DUSP16: variants seen among roughly 807,000 people sequenced by gnomAD.
DUSP16 encodes dual specificity protein phosphatase 16.
Under a neutral mutation model 58.3 loss-of-function variants are expected in DUSP16, and 21 were observed. That is an observed-to-expected ratio of 0.36 (90% CI 0.26 to 0.52). DUSP16 has a LOEUF of 0.52. Among genes scored for constraint, DUSP16 ranks in the 20% least tolerant of loss-of-function variants. The pLI, the probability that DUSP16 is intolerant of heterozygous loss-of-function variation, is 0.94. For missense variants in DUSP16, 726 were observed against 819.0 expected (o/e 0.89, Z 1.39); for synonymous variants, 320 against 323.8 (o/e 0.99, Z 0.12).
chr12:12,539,937 T>C (rs1944526668), intron 1 of DUSP16, among the ~76,000 whole-genome samples: 1 of 151,686 alleles, frequency 6.6e-6, no homozygotes, highest in Admixed American at 6.6e-5. Flanking sequence ...TCCCAGCTAC[T>C]CGGGAGGCTG....
At chr12:12,511,026 T>C (rs763397754) in intron 3 of DUSP16, among the ~76,000 whole-genome samples, 2 of 152,202 alleles carry the variant, frequency 1.3e-5, no homozygotes, top group Non-Finnish European at 2.9e-5. Flanking sequence ...GTTAAAAATT[T>C]TGTAACTTAT....
intron 5 of DUSP16, among the ~76,000 whole-genome samples, 178 bp downstream of exon 5, chr12:12,486,850 G>T (rs1943692138): frequency 6.6e-6 from 1 of 152,232 alleles, no homozygotes; most frequent in South Asian, 2.1e-4. Context: ...TAGGGACAGT[G>T]TGACACACAC....
chr12:12,480,906 T>C (rs868265617), intron 5 of DUSP16, among the ~76,000 whole-genome samples: 1 of 151,860 alleles, frequency 6.6e-6, no homozygotes, highest in Non-Finnish European at 1.5e-5. Context: ...TTTAGTGGAG[T>C]TGCGGTTTCA....
At chr12:12,483,594 ATCACCTC>A (rs1445147365) in intron 5 of DUSP16, among the ~76,000 whole-genome samples, 2 of 152,050 alleles carry the variant, frequency 1.3e-5, no homozygotes, top group African/African-American at 4.8e-5. Flanking sequence ...CATGGTCCTA[ATCACCTC>A]CCTATGTTGT....
intron 1 of DUSP16, among the ~76,000 whole-genome samples, chr12:12,547,531 T>TATA: frequency 1.5e-5 from 1 of 66,656 alleles, no homozygotes; most frequent in South Asian, 5.5e-4. Context: ...TGAGTAGGCT[T>TATA]AAAAAAAAAA....
At chr12:12,515,140 C>T (rs1432106605) in intron 3 of DUSP16, among the ~76,000 whole-genome samples, 1 of 151,926 alleles carries the variant, frequency 6.6e-6, no homozygotes, top group East Asian at 1.9e-4. Flanking sequence ...ATTTAATATA[C>T]TTAATTATAT....
At position 12,500,699 on chromosome 12, in the gene DUSP16, T is replaced by G. The variant is rs1175661947; in HGVS notation, c.368-17A>C. 1 of 1,521,522 alleles carries G rather than the reference T, an allele frequency of 6.6e-7. No individual in the cohort carries two copies. The highest frequency in any genetic ancestry group is 8.8e-7 in the Non-Finnish European group (1 of 1,140,228). The allele number at this position is 1,521,522 out of a possible 1,614,324, so 94.3% of individuals were successfully genotyped here. On this transcript the variant is annotated splice_polypyrimidine_tract_variant and intron_variant, in intron 3 of 6. Coordinates refer to ENST00000298573, the MANE Select transcript of DUSP16 (RefSeq NM_030640.3). ...CAAACCCACCTAAGAATAAACATTA[T>G]AAAATTATAAAAAATTATGCCACGC... is the stretch of plus-strand genomic sequence containing the variant.
chr12:12,508,056 C>T (rs1944024679), intron 3 of DUSP16, among the ~76,000 whole-genome samples: 1 of 152,236 alleles, frequency 6.6e-6, no homozygotes, highest in East Asian at 1.9e-4. Flanking sequence ...GGACAGTTCT[C>T]TCTTCTCTCC....
At chr12:12,561,750 TGCCGCGTCCC>T (rs1024868797) in intron 1 of DUSP16, among the ~76,000 whole-genome samples, 1 of 151,932 alleles carries the variant, frequency 6.6e-6, no homozygotes, top group Non-Finnish European at 1.5e-5. Context: ...CCCGCAAAGG[TGCCGCGTCCC>T]GCGGCGGCCG....
intron 1 of DUSP16, among the ~76,000 whole-genome samples, chr12:12,548,427 T>C (rs73063459): frequency 0.24 from 36,729 of 150,640 alleles, 5,129 homozygotes; most frequent in Non-Finnish European, 0.29. Context: ...AGGTCAGGAG[T>C]TTGAGACAAG....
At chr12:12,552,254 T>G (rs1341618926) in intron 1 of DUSP16, among the ~76,000 whole-genome samples, 1 of 151,958 alleles carries the variant, frequency 6.6e-6, no homozygotes, top group Admixed American at 6.6e-5. Context: ...GAGACCAGCC[T>G]GGTCAATATG....
chr12:12,535,197 C>T (rs753393986), intron 1 of DUSP16, among the ~76,000 whole-genome samples: 7 of 152,218 alleles, frequency 4.6e-5, no homozygotes, highest in Non-Finnish European at 7.3e-5. Flanking sequence ...CCACCAGCCT[C>T]GGTGAGCTGT....
At chr12:12,498,269 G>T (rs939845990) in intron 4 of DUSP16, among the ~76,000 whole-genome samples, 7 of 151,908 alleles carry the variant, frequency 4.6e-5, no homozygotes, top group African/African-American at 1.7e-4. Flanking sequence ...TAACATTTTT[G>T]GAATACTGAT....
In DUSP16 at chr12:12,502,907, C is replaced by G. The variant is rs918868625; in HGVS notation, c.368-2225G>C. 9.9e-5 allele frequency among the ~76,000 whole-genome samples: 15 copies of G among 152,098 alleles called. 1 individual carries two copies. The highest frequency in any genetic ancestry group is 9.2e-4 in the Admixed American group (14 of 15,268). On this transcript the variant is annotated intron_variant, in intron 3 of 6. Transcript: ENST00000298573. ...CCGTTCTCTTGTCCAAGAATACCAC[C>G]CTCACACCGCCCCATGCATGCACAC...
At chr12:12,561,128 A>G (rs1944896136) in intron 1 of DUSP16, 1 of 152,228 alleles carries the variant, frequency 6.6e-6, no homozygotes, top group Non-Finnish European at 1.5e-5. Context: ...AGAGTTTTAA[A>G]ACCCTGCATC....
chr12:12,541,583 T>C (rs776481463), intron 1 of DUSP16, among the ~76,000 whole-genome samples: 7 of 152,114 alleles, frequency 4.6e-5, no homozygotes, highest in African/African-American at 1.7e-4. Context: ...GAGCTGTCTG[T>C]CTAGACCCAT....
chr12:12,514,511 C>T (rs1404668996), intron 3 of DUSP16, among the ~76,000 whole-genome samples: 1 of 152,112 alleles, frequency 6.6e-6, no homozygotes, highest in Non-Finnish European at 1.5e-5. Context: ...AAGATATTAC[C>T]AACCCTTGAA....
intron 1 of DUSP16, among the ~76,000 whole-genome samples, chr12:12,559,786 C>T (rs1234002932): frequency 3.3e-5 from 5 of 152,128 alleles, no homozygotes; most frequent in Non-Finnish European, 7.4e-5. Context: ...CATCAAAACA[C>T]ACTAACACAT....
chr12:12,520,164 A>G (rs1944211769), intron 2 of DUSP16, among the ~76,000 whole-genome samples, 164 bp from the exon 3 acceptor site: 2 of 152,256 alleles, frequency 1.3e-5, no homozygotes, highest in South Asian at 4.1e-4. Context: ...AGACAGACAC[A>G]TACAAAACTC....
Sources: gnomAD v4.1 joint callset for allele counts (sites outside exome capture counted in the v4.1 genomes callset) on GRCh38, gnomAD v4.1.1 for gene constraint, MANE v1.5 for transcripts, NCBI Gene and HGNC (gene_info 2026-07-23, HGNC 2026-07-21) for gene names.